XPO1: variants seen among roughly 807,000 people sequenced by gnomAD.
XPO1 encodes exportin-1.
A neutral mutation model predicts 133.3 loss-of-function variants in XPO1; 5 were observed. The observed-to-expected ratio is 0.04, with a 90% CI of 0.02 to 0.08. XPO1 has a LOEUF of 0.08. Among genes scored for constraint, XPO1 ranks in the 10% least tolerant of loss-of-function variants. XPO1 has a pLI of 1.00. For missense variants in XPO1, 506 were observed against 1,267.5 expected (o/e 0.40, Z 9.12); for synonymous variants, 419 against 408.2 (o/e 1.03, Z -0.32).
intron 4 of XPO1, among the ~76,000 whole-genome samples, chr2:61,518,417 A>C (rs1217334759): frequency 8.0e-6 from 1 of 124,456 alleles, no homozygotes. Flanking sequence ...CAAAAAACAA[A>C]ACACACACAC....
intron 22 of XPO1, 40 bp from the exon 23 acceptor site, chr2:61,482,579 A>G (rs763545603): frequency 5.7e-5 from 85 of 1,483,462 alleles, no homozygotes; most frequent in Middle Eastern, 2.4e-4. Flanking sequence ...AAAATGTAAT[A>G]TAACTATAGA....
At chr2:61,511,697 C>G (rs1235542016) in intron 4 of XPO1, among the ~76,000 whole-genome samples, 1 of 152,114 alleles carries the variant, frequency 6.6e-6, no homozygotes, top group East Asian at 1.9e-4. Flanking sequence ...CTGTGCCTGG[C>G]CTGCCTTGTT....
At chr2:61,521,325 G>A (rs916627211) in intron 4 of XPO1, among the ~76,000 whole-genome samples, 1 of 152,094 alleles carries the variant, frequency 6.6e-6, no homozygotes, top group African/African-American at 2.4e-5. Flanking sequence ...GAGAATGCAG[G>A]TGAAGGACAA....
chr2:61,524,272 A>C (rs1356761930), intron 3 of XPO1, among the ~76,000 whole-genome samples: 1 of 152,228 alleles, frequency 6.6e-6, no homozygotes, highest in East Asian at 1.9e-4. Flanking sequence ...ATATAGTTAC[A>C]AATAAAAATC....
chr2:61,491,458 A>AC lies in XPO1; in HGVS notation c.1887+576_1887+577insG, dbSNP rs1491330772. ...AGAGTGAAACTCCATCTCAAAAAAC[A>AC]AACACACACACACACACACACACAC... is the stretch of plus-strand genomic sequence containing the variant. On this transcript the variant is annotated intron_variant, in intron 16 of 24. Coordinates refer to ENST00000401558, the MANE Select transcript of XPO1 (RefSeq NM_003400.4). Among the ~76,000 whole-genome samples the AC allele has an allele frequency of 3.3e-3, 341 of 102,282 alleles. 1 individual carries two copies. Among genetic ancestry groups the AC allele is most frequent in the African/African-American group, 0.011 (285 of 26,370 alleles). 67.1% of individuals were successfully genotyped at this position (102,282 alleles called of 152,430 possible). A position where few individuals can be genotyped will look rare whatever the true frequency, so the allele number is the denominator to read the frequency against.
chr2:61,532,810 G>C (rs1256638351), intron 2 of XPO1, among the ~76,000 whole-genome samples: 1 of 151,370 alleles, frequency 6.6e-6, no homozygotes, highest in East Asian at 2.0e-4. Context: ...ACTCAGGCCT[G>C]GTGACAGAGC....
chr2:61,485,902 C>T lies in XPO1; in HGVS notation c.2374G>A (p.Val792Ile). ...ACTTCTGGTTCTCTAGCAGCTGGGA[C>T]ATTTCTCTGATAATCAATGAGAACT... ...DAVLIDYQRN[V>I]PAAREPEVLS... The change falls in exon 20 of 25, where the codon GTC becomes ATC. Residue 792 changes from valine (V) to isoleucine (I), a missense_variant. By Grantham distance (29) the Val-to-Ile change is conservative (BLOSUM62 3). Coordinates refer to ENST00000401558, the MANE Select transcript of XPO1 (RefSeq NM_003400.4). The T allele has an allele frequency of 6.2e-7, 1 of 1,614,028 alleles. No homozygotes were observed. Among genetic ancestry groups the T allele is most frequent in the Non-Finnish European group, 8.5e-7 (1 of 1,179,956 alleles).
intron 11 of XPO1, 124 bp from the exon 12 acceptor site, chr2:61,494,215 A>C: frequency 1.1e-6 from 1 of 871,650 alleles, no homozygotes; most frequent in Non-Finnish European, 1.7e-6. Flanking sequence ...CTCAGATTTC[A>C]ATACTTATCA....
At chr2:61,489,455 T>C (rs1478187172) in intron 17 of XPO1, among the ~76,000 whole-genome samples, 1 of 151,428 alleles carries the variant, frequency 6.6e-6, no homozygotes, top group African/African-American at 2.4e-5. Flanking sequence ...GCAAAAGCCA[T>C]TACGCTTCCC....
chr2:61,530,512 A>G (rs1397096784), intron 2 of XPO1, among the ~76,000 whole-genome samples: 1 of 152,206 alleles, frequency 6.6e-6, no homozygotes, highest in Non-Finnish European at 1.5e-5. Context: ...ACAGAACACA[A>G]TATTGGAGAA....
intron 12 of XPO1, 78 bp downstream of exon 12, chr2:61,493,816 C>T (rs762258609): frequency 4.9e-6 from 7 of 1,426,286 alleles, no homozygotes; most frequent in African/African-American, 4.3e-5. Context: ...TTTATTTACA[C>T]AGATTAGAAG....
chr2:61,501,485 G>T (rs1409292993), intron 6 of XPO1, among the ~76,000 whole-genome samples: 5 of 151,836 alleles, frequency 3.3e-5, no homozygotes, highest in Non-Finnish European at 7.4e-5. Context: ...ACTTTGGGAG[G>T]TCGAGGTGGG....
intron 22 of XPO1, 44 bp downstream of exon 22, chr2:61,482,913 G>A (rs542706474): frequency 3.7e-6 from 6 of 1,610,510 alleles, no homozygotes; most frequent in African/African-American, 1.3e-5. Flanking sequence ...GTGAGGCCCT[G>A]TGCCCAGCTG....
At chr2:61,528,635 T>A (rs1699012235) in intron 2 of XPO1, among the ~76,000 whole-genome samples, 1 of 144,524 alleles carries the variant, frequency 6.9e-6, no homozygotes, top group Non-Finnish European at 1.5e-5. Flanking sequence ...CTGGGTTGAC[T>A]GCGTGAGACT....
chr2:61,485,818 G>C lies in XPO1; in HGVS notation c.2458C>G (p.Pro820Ala). 6.2e-7 allele frequency: 1 copy of C among 1,613,614 alleles called. No homozygotes were observed. The highest frequency in any genetic ancestry group is 8.5e-7 in the Non-Finnish European group (1 of 1,179,770). ...KLGGHITAEI[P>A]QIFDAVFECT... ...TCAAAAACAGCATCAAATATTTGAG[G>C]TATTTCAGCTGTTATATGTCCCCCT... Residue 820 changes from proline (P) to alanine (A), a missense_variant, in exon 20 of 25, where the codon CCT becomes GCT. By Grantham distance (27) the Pro-to-Ala change is conservative (BLOSUM62 -1). Transcript: ENST00000401558.
chr2:61,498,104 T>C (rs1697331687), intron 9 of XPO1, among the ~76,000 whole-genome samples: 2 of 152,158 alleles, frequency 1.3e-5, no homozygotes, highest in South Asian at 4.1e-4. Context: ...CTGTAGAACT[T>C]TACTTATTTT....
chr2:61,531,949 C>A (rs1040485702), intron 2 of XPO1, among the ~76,000 whole-genome samples: 1 of 152,126 alleles, frequency 6.6e-6, no homozygotes, highest in Non-Finnish European at 1.5e-5. Flanking sequence ...TTAGCGTTTC[C>A]ATGGACCTTT....
chr2:61,499,415 A>G (rs1393536512), intron 7 of XPO1, among the ~76,000 whole-genome samples: 1 of 152,126 alleles, frequency 6.6e-6, no homozygotes, highest in South Asian at 2.1e-4. Context: ...TTGTCTCAAA[A>G]TAAAATAAAA....
chr2:61,504,228 T>C (rs558406251), intron 4 of XPO1, among the ~76,000 whole-genome samples: 10 of 152,330 alleles, frequency 6.6e-5, no homozygotes, highest in African/African-American at 2.4e-4. Context: ...ACCTACTCTT[T>C]AAACAGTTAA....
Sources: gnomAD v4.1 joint callset for allele counts (sites outside exome capture counted in the v4.1 genomes callset) on GRCh38, gnomAD v4.1.1 for gene constraint, MANE v1.5 for transcripts, NCBI Gene and HGNC (gene_info 2026-07-23, HGNC 2026-07-21) for gene names.